Variants in KIAA1217 observed in about 807,000 individuals in gnomAD.
KIAA1217 encodes sickle tail protein homolog.
A neutral mutation model predicts 163.9 loss-of-function variants in KIAA1217; 88 were observed. The ratio of observed to expected loss-of-function variants is 0.54; its 90% CI spans 0.45 to 0.64. KIAA1217 has a LOEUF of 0.64. Among genes scored for constraint, KIAA1217 ranks in the 30% least tolerant of loss-of-function variants. KIAA1217 has a pLI of 0.00. For missense variants in KIAA1217, 2,372 were observed against 2,475.0 expected, an observed-to-expected ratio of 0.96 and a Z score of 0.88; for synonymous variants, 903 against 923.1, an observed-to-expected ratio of 0.98 and a Z score of 0.39.
chr10:23,849,521 A>T (rs1839201732), intron 1 of KIAA1217, among the ~76,000 whole-genome samples: 1 of 152,012 alleles, frequency 6.6e-6, no homozygotes. Flanking sequence ...ATATTCTCAA[A>T]GTTGGTGTCA....
chr10:24,039,865 G>A (rs1848559288), intron 2 of KIAA1217, among the ~76,000 whole-genome samples: 1 of 151,638 alleles, frequency 6.6e-6, no homozygotes, highest in Admixed American at 6.6e-5. Flanking sequence ...CACTGGCTCT[G>A]TTTTTCTGGA....
chr10:24,279,872 T>G (rs2077713994), intron 2 of KIAA1217, among the ~76,000 whole-genome samples: 1 of 152,268 alleles, frequency 6.6e-6, no homozygotes, highest in Non-Finnish European at 1.5e-5. Context: ...CAAGTTCATC[T>G]GATAGTTGCA....
intron 2 of KIAA1217, among the ~76,000 whole-genome samples, chr10:24,247,387 C>T (rs1447444867): frequency 1.3e-5 from 2 of 152,206 alleles, no homozygotes; most frequent in South Asian, 4.1e-4. Context: ...GCCTCTGCCT[C>T]CCCAAGTGTT....
At chr10:24,339,475 A>G (rs1026069310) in intron 2 of KIAA1217, among the ~76,000 whole-genome samples, 3 of 152,236 alleles carry the variant, frequency 2.0e-5, no homozygotes, top group African/African-American at 7.2e-5. Flanking sequence ...GAAGCTCAGA[A>G]TCAATATTAC....
chr10:24,208,911 C>G (rs1370162545), upstream of KIAA1217: 1 of 398,722 alleles, frequency 2.5e-6, no homozygotes, highest in Non-Finnish European at 4.6e-6. Context: ...AGAGCCCAGC[C>G]CCCAGTCCCC....
chr10:24,066,924 G>A (rs1176213616), intron 2 of KIAA1217, among the ~76,000 whole-genome samples: 3 of 152,020 alleles, frequency 2.0e-5, no homozygotes, highest in African/African-American at 7.3e-5. Context: ...CTTTCTTCCA[G>A]TTGATTGCAT....
intron 3 of KIAA1217, among the ~76,000 whole-genome samples, chr10:24,398,952 T>C (rs375022858): frequency 2.0e-5 from 3 of 152,216 alleles, no homozygotes; most frequent in African/African-American, 7.2e-5. Context: ...CCAATTATTA[T>C]TTTAGAGAGA....
chr10:24,039,146 G>C (rs1848520269), intron 2 of KIAA1217, among the ~76,000 whole-genome samples: 1 of 151,958 alleles, frequency 6.6e-6, no homozygotes, highest in South Asian at 2.1e-4. Flanking sequence ...ATTTTTTTTA[G>C]AGGTTCTCCA....
chr10:24,503,753 A>G (rs554378493), intron 9 of KIAA1217, among the ~76,000 whole-genome samples: 2 of 152,348 alleles, frequency 1.3e-5, no homozygotes, highest in South Asian at 2.1e-4. Context: ...GAGGGGGCCT[A>G]TCGGCTCCCA....
At chr10:24,492,614 C>T (rs1443985083) in intron 6 of KIAA1217, among the ~76,000 whole-genome samples, 1 of 152,070 alleles carries the variant, frequency 6.6e-6, no homozygotes, top group Non-Finnish European at 1.5e-5. Context: ...GACAGACCTT[C>T]AATTTTAAAC....
At chr10:24,313,843 G>GTTTTTT (rs35876174) in intron 2 of KIAA1217, among the ~76,000 whole-genome samples, 4 of 113,406 alleles carry the variant, frequency 3.5e-5, no homozygotes, top group Non-Finnish European at 7.4e-5. Context: ...CCATCTGGTT[G>GTTTTTT]TTTTTTTTTT....
At chr10:23,874,879 G>T (rs58972173) in intron 1 of KIAA1217, among the ~76,000 whole-genome samples, 2,621 of 152,114 alleles carry the variant, frequency 0.017, 66 homozygotes, top group African/African-American at 0.059. Context: ...AAGGAAAAGA[G>T]GTTTATTTTG....
At chr10:24,028,363 T>A (rs1848050434) in intron 2 of KIAA1217, among the ~76,000 whole-genome samples, 2 of 151,976 alleles carry the variant, frequency 1.3e-5, no homozygotes, top group Non-Finnish European at 2.9e-5. Context: ...AAAGTGAAAA[T>A]GAATTACAGC....
intron 2 of KIAA1217, among the ~76,000 whole-genome samples, chr10:24,058,311 T>C (rs1191393894): frequency 2.0e-5 from 3 of 152,230 alleles, no homozygotes; most frequent in African/African-American, 7.2e-5. Context: ...TTAATATATT[T>C]TGAAATCAGG....
intron 1 of KIAA1217, among the ~76,000 whole-genome samples, chr10:23,924,244 G>C (rs892541998): frequency 1.3e-5 from 2 of 151,400 alleles, no homozygotes; most frequent in Non-Finnish European, 2.9e-5. Flanking sequence ...CGGCAGCAAT[G>C]GGAAACTAAG....
chr10:24,045,496 A>G (rs1848943159), intron 2 of KIAA1217, among the ~76,000 whole-genome samples: 1 of 151,506 alleles, frequency 6.6e-6, no homozygotes, highest in South Asian at 2.1e-4. Context: ...AATCTACCCC[A>G]CCAATTTTTC....
intron 1 of KIAA1217, among the ~76,000 whole-genome samples, chr10:23,940,563 A>G (rs537305111): frequency 1.3e-5 from 2 of 152,286 alleles, no homozygotes; most frequent in East Asian, 1.9e-4. Context: ...AGTATGTAAG[A>G]CTTAAACAAG....
intron 3 of KIAA1217, among the ~76,000 whole-genome samples, chr10:24,396,548 A>G (rs2055778792): frequency 6.6e-6 from 1 of 152,112 alleles, no homozygotes. Flanking sequence ...TGAAGATGGG[A>G]GAGTTGTAAT....
At chr10:23,748,226 A>G (rs2130826240) in intron 1 of KIAA1217, among the ~76,000 whole-genome samples, 1 of 152,192 alleles carries the variant, frequency 6.6e-6, no homozygotes, top group East Asian at 1.9e-4. Context: ...TTTCCTAGTG[A>G]ACAAAAGTCC....
Sources: gnomAD v4.1 joint callset for allele counts (sites outside exome capture counted in the v4.1 genomes callset) on GRCh38, gnomAD v4.1.1 for gene constraint, MANE v1.5 for transcripts, NCBI Gene and HGNC (gene_info 2026-07-23, HGNC 2026-07-21) for gene names.